Variants in LPAR6 observed in about 807,000 individuals in gnomAD.
LPAR6 encodes G-protein coupled purinergic receptor P2Y5.
LPAR6 carries 17 observed loss-of-function variants against 22.0 expected under a neutral mutation model. That is an observed-to-expected ratio of 0.77 (90% CI 0.53 to 1.16). LPAR6 has a LOEUF of 1.16. Among genes scored for constraint, LPAR6 ranks in the 50% most tolerant of loss-of-function variants. The pLI, the probability that LPAR6 is intolerant of heterozygous loss-of-function variation, is 0.00. For synonymous variants in LPAR6, 136 were observed against 139.8 expected (o/e 0.97, Z 0.19); for missense variants, 384 against 406.9 (o/e 0.94, Z 0.48).
intron 1 of LPAR6, among the ~76,000 whole-genome samples, chr13:48,401,920 T>C (rs1021121865): frequency 2.0e-5 from 3 of 152,226 alleles, no homozygotes; most frequent in Non-Finnish European, 4.4e-5. Context: ...TCTGTCTTGC[T>C]ATCTTTTAAG....
upstream of LPAR6, among the ~76,000 whole-genome samples, chr13:48,430,376 C>T (rs149029718): frequency 2.0e-5 from 3 of 152,158 alleles, no homozygotes; most frequent in African/African-American, 7.2e-5. Flanking sequence ...GATCAATAAT[C>T]TCAATAAAAA....
At chr13:48,406,460 A>T (rs528137984), downstream of LPAR6, 2 of 152,192 alleles carry the variant, frequency 1.3e-5, no homozygotes, top group Non-Finnish European at 2.9e-5. Flanking sequence ...TTGTATAAAT[A>T]TAGTTCTTGT....
intron 1 of LPAR6, among the ~76,000 whole-genome samples, chr13:48,395,167 A>G (rs942777228): frequency 2.0e-5 from 3 of 152,212 alleles, no homozygotes; most frequent in Admixed American, 6.5e-5. Context: ...TGACTGTTAG[A>G]AGGAGAACTA....
At chr13:48,414,446 A>G (rs1324658273), upstream of LPAR6, among the ~76,000 whole-genome samples, 2 of 152,072 alleles carry the variant, frequency 1.3e-5, no homozygotes, top group African/African-American at 4.8e-5. Context: ...TATTTCCTCA[A>G]AGATTGAGGA....
In LPAR6 at chr13:48,412,479, T is replaced by C; in HGVS notation, c.-56A>G. 1 of 1,148,218 alleles carries C rather than the reference T, an allele frequency of 8.7e-7. No individual in the cohort carries two copies. The highest frequency in any genetic ancestry group is 1.2e-5 in the South Asian group (1 of 81,616). The allele number at this position is 1,148,218 out of a possible 1,614,324, so 71.1% of individuals were successfully genotyped here. On this transcript the variant is annotated 5_prime_UTR_variant, in exon 1 of 1. Coordinates refer to ENST00000620633, the MANE Select transcript of LPAR6 (RefSeq NM_001162498.3). ...AGCACTTTCATCAGCTGCAGTCTCC[T>C]TTGGGATTCAGATTATAACCTCTAT...
chr13:48,412,265 TGTA>T lies in LPAR6; in HGVS notation c.156_158del (p.Thr54del). On this transcript the variant is annotated inframe_deletion, in exon 1 of 1. Transcript: ENST00000620633. ...ACATTGCCAAGTTAATCATGTAAGTTGTAGTTTCATTTCGGACTTTGAGGACGC... is the reference window on the plus strand; with the variant it reads ...ACATTGCCAAGTTAATCATGTAAGTTGTTTCATTTCGGACTTTGAGGACGC... The T allele has an allele frequency of 6.2e-7, 1 of 1,614,086 alleles. No homozygotes were observed. The highest frequency in any genetic ancestry group is 1.6e-4 in the Middle Eastern group (1 of 6,062).
At chr13:48,440,662 C>T (rs1255519198) in intron 1 of LPAR6, among the ~76,000 whole-genome samples, 1 of 152,070 alleles carries the variant, frequency 6.6e-6, no homozygotes, top group Admixed American at 6.5e-5. Context: ...TTTGTTTTAA[C>T]CAAGAAGAAC....
intron 1 of LPAR6, among the ~76,000 whole-genome samples, chr13:48,425,451 GT>G (rs1949066167): frequency 6.6e-6 from 1 of 152,216 alleles, no homozygotes; most frequent in South Asian, 2.1e-4. Context: ...TAAAACCTTA[GT>G]TGGGTAAGGC....
chr13:48,413,841 T>A (rs970559863), upstream of LPAR6, among the ~76,000 whole-genome samples: 2 of 151,124 alleles, frequency 1.3e-5, no homozygotes, highest in Admixed American at 6.6e-5. Context: ...TTAAGCAAAA[T>A]TTTTTTAACC....
chr13:48,432,419 G>T (rs1444096647), intron 1 of LPAR6, among the ~76,000 whole-genome samples: 7 of 145,792 alleles, frequency 4.8e-5, no homozygotes, highest in East Asian at 2.0e-4. Flanking sequence ...TGCATGTTTT[G>T]TTTTTTTGTT....
chr13:48,406,112 GTA>G (rs1491520449), downstream of LPAR6, among the ~76,000 whole-genome samples: 10 of 100,796 alleles, frequency 9.9e-5, no homozygotes, highest in Non-Finnish European at 1.4e-4. Context: ...GTGTGTGTGT[GTA>G]TGTATGTATG....
At chr13:48,396,656 T>C (rs1203873320) in intron 1 of LPAR6, among the ~76,000 whole-genome samples, 7 of 152,146 alleles carry the variant, frequency 4.6e-5, no homozygotes, top group Non-Finnish European at 1.0e-4. Flanking sequence ...TGGGATCTAA[T>C]TAAACTAAAG....
upstream of LPAR6, chr13:48,427,053 G>A (rs1949089643): frequency 6.5e-6 from 1 of 153,506 alleles, no homozygotes; most frequent in African/African-American, 2.4e-5. Context: ...CTGAGCGAGA[G>A]CTCGGTTATC....
Position 48,411,816 on chromosome 13 carries a change from C to A in LPAR6, c.608G>T (p.Cys203Phe). 1 of 1,612,816 alleles carries A rather than the reference C, an allele frequency of 6.2e-7. No homozygotes were observed. Among genetic ancestry groups the A allele is most frequent in the Non-Finnish European group, 8.5e-7 (1 of 1,178,898 alleles). ...TAAAGTTTTTAGCACCATACTAGAA[C>A]AAGTTACATTTAAAATTAGAGGAAT... ...FFIPLILNVTCSSMVLKTLTK... is the reference protein window; with the variant it reads ...FFIPLILNVTFSSMVLKTLTK... Residue 203 changes from cysteine to phenylalanine, a missense_variant, in exon 1 of 1, where the codon TGT becomes TTT. Physicochemically the swap from Cys to Phe is radical, Grantham distance 205. Transcript: ENST00000620633.
chr13:48,419,726 A>T (rs1321981025), intron 2 of LPAR6, among the ~76,000 whole-genome samples: 1 of 152,240 alleles, frequency 6.6e-6, no homozygotes, highest in Admixed American at 6.5e-5. Flanking sequence ...ATCCCACAGA[A>T]ATACAAACTA....
At chr13:48,436,472 A>C (rs1425568322) in intron 1 of LPAR6, among the ~76,000 whole-genome samples, 1 of 152,080 alleles carries the variant, frequency 6.6e-6, no homozygotes, top group Admixed American at 6.6e-5. Flanking sequence ...GTGAAACCTC[A>C]TCTCTACTAA....
intron 1 of LPAR6, among the ~76,000 whole-genome samples, chr13:48,396,047 A>G (rs1256616993): frequency 6.6e-6 from 1 of 152,226 alleles, no homozygotes; most frequent in African/African-American, 2.4e-5. Context: ...GGGAAAAATT[A>G]TAGCGTGAAA....
intron 1 of LPAR6, among the ~76,000 whole-genome samples, chr13:48,436,227 T>A (rs1457315884): frequency 4.6e-5 from 7 of 152,244 alleles, no homozygotes; most frequent in African/African-American, 7.2e-5. Flanking sequence ...GAACCTATTA[T>A]ATTTGAGATG....
At chr13:48,438,326 G>A (rs1949204301) in intron 1 of LPAR6, among the ~76,000 whole-genome samples, 1 of 151,960 alleles carries the variant, frequency 6.6e-6, no homozygotes, top group African/African-American at 2.4e-5. Flanking sequence ...AGTTTCCCCA[G>A]GGCCATATTA....
Sources: allele counts gnomAD v4.1 joint callset (sites outside exome capture counted in the v4.1 genomes callset), GRCh38; gene constraint gnomAD v4.1.1; transcripts MANE v1.5; gene names NCBI Gene and HGNC (gene_info 2026-07-23, HGNC 2026-07-21).